The following PRKAR2B variants were observed in gnomAD, a reference collection of about 807,000 sequenced individuals.
PRKAR2B encodes protein kinase cAMP-dependent type II regulatory subunit beta, also known as cAMP-dependent protein kinase type II-beta regulatory subunit.
PRKAR2B carries 14 observed loss-of-function variants against 49.9 expected under a neutral mutation model. The ratio of observed to expected loss-of-function variants is 0.28; its 90% CI spans 0.19 to 0.44. The LOEUF is 0.44. PRKAR2B is among the 20% of genes least tolerant of loss of function. The pLI, the probability that PRKAR2B is intolerant of heterozygous loss-of-function variation, is 1.00. For missense variants in PRKAR2B, 393 were observed against 537.9 expected (o/e 0.73, Z 2.67); for synonymous variants, 196 against 197.7 (o/e 0.99, Z 0.07).
intron 1 of PRKAR2B, among the ~76,000 whole-genome samples, chr7:107,060,323 G>C (rs1167269217): frequency 1.3e-5 from 2 of 152,084 alleles, no homozygotes; most frequent in South Asian, 2.1e-4. Flanking sequence ...GCTTTATAAA[G>C]GTGTTGCACC....
intron 1 of PRKAR2B, among the ~76,000 whole-genome samples, chr7:107,055,278 TGC>T (rs1386185282): frequency 1.3e-5 from 2 of 152,240 alleles, no homozygotes; most frequent in African/African-American, 4.8e-5. Flanking sequence ...AATACATGTG[TGC>T]ATGTGTCTTT....
At chr7:107,100,883 TTTGA>T (rs1794948151) in intron 2 of PRKAR2B, among the ~76,000 whole-genome samples, 1 of 151,638 alleles carries the variant, frequency 6.6e-6, no homozygotes, top group African/African-American at 2.4e-5. Context: ...GTTTTTACTC[TTTGA>T]TTGATTAAAC....
intron 4 of PRKAR2B, among the ~76,000 whole-genome samples, chr7:107,134,255 T>C (rs1042822865): frequency 2.0e-5 from 3 of 152,104 alleles, no homozygotes; most frequent in Admixed American, 6.6e-5. Flanking sequence ...TCTGGAATTC[T>C]TGGCCTCAAG....
intron 3 of PRKAR2B, among the ~76,000 whole-genome samples, chr7:107,124,669 C>T (rs140205623): frequency 2.0e-5 from 3 of 152,214 alleles, no homozygotes; most frequent in African/African-American, 7.2e-5. Context: ...ATCCACTCAC[C>T]TTGGCCTCCC....
chr7:107,122,871 ATGGGGATT>A (rs1795414424), intron 3 of PRKAR2B, among the ~76,000 whole-genome samples: 1 of 152,180 alleles, frequency 6.6e-6, no homozygotes, highest in Non-Finnish European at 1.5e-5. Flanking sequence ...TCCTGGACCC[ATGGGGATT>A]CCCACTACCA....
chr7:107,050,333 CTTTTTTTTTTTTTTTTTTT>C (rs57752789), intron 1 of PRKAR2B, among the ~76,000 whole-genome samples: 15 of 68,586 alleles, frequency 2.2e-4, no homozygotes, highest in African/African-American at 1.1e-3. Flanking sequence ...CAGTTACCAG[CTTTTTTTTTTTTTTTTTTT>C]TTTTTTTTTT....
chr7:107,070,363 A>T (rs750529814), intron 2 of PRKAR2B, 47 bp downstream of exon 2: 1 of 1,457,776 alleles, frequency 6.9e-7, no homozygotes, highest in Admixed American at 1.8e-5. Context: ...GGTGACATTT[A>T]AAAAATGATA....
At chr7:107,090,062 C>G (rs1173428858) in intron 2 of PRKAR2B, among the ~76,000 whole-genome samples, 2 of 152,150 alleles carry the variant, frequency 1.3e-5, no homozygotes, top group Non-Finnish European at 2.9e-5. Context: ...CATCTGAATT[C>G]TCTTTGGTTG....
At chr7:107,068,016 T>C (rs577462340) in intron 1 of PRKAR2B, among the ~76,000 whole-genome samples, 1 of 152,200 alleles carries the variant, frequency 6.6e-6, no homozygotes, top group Non-Finnish European at 1.5e-5. Flanking sequence ...GACAGTTCTT[T>C]GTTGTGCAGG....
chr7:107,124,559 A>C (rs1376215474), intron 3 of PRKAR2B, among the ~76,000 whole-genome samples: 1 of 152,244 alleles, frequency 6.6e-6, no homozygotes, highest in Admixed American at 6.5e-5. Flanking sequence ...CTGGGACTAC[A>C]GGCATGCACC....
chr7:107,132,340 T>G (rs1795618158), intron 4 of PRKAR2B, among the ~76,000 whole-genome samples: 1 of 152,180 alleles, frequency 6.6e-6, no homozygotes, highest in Admixed American at 6.5e-5. Context: ...TGGACTGCCT[T>G]GTAGGCAGTG....
intron 5 of PRKAR2B, among the ~76,000 whole-genome samples, chr7:107,144,076 ATT>A (rs1487339200): frequency 6.7e-6 from 1 of 150,226 alleles, no homozygotes; most frequent in Non-Finnish European, 1.5e-5. Context: ...TTATTTATTT[ATT>A]TATTTATTTA....
chr7:107,050,698 G>T (rs1793784013), intron 1 of PRKAR2B, among the ~76,000 whole-genome samples: 2 of 152,134 alleles, frequency 1.3e-5, no homozygotes, highest in South Asian at 4.1e-4. Context: ...GTGACTAACT[G>T]CAGGGTCTAC....
At chr7:107,133,070 C>T (rs902711134) in intron 4 of PRKAR2B, among the ~76,000 whole-genome samples, 2 of 152,160 alleles carry the variant, frequency 1.3e-5, no homozygotes, top group Non-Finnish European at 2.9e-5. Flanking sequence ...GAGCCCTTTA[C>T]TGAGCTCAGT....
chr7:107,056,407 A>T (rs1450527653), intron 1 of PRKAR2B, among the ~76,000 whole-genome samples: 1 of 152,220 alleles, frequency 6.6e-6, no homozygotes, highest in African/African-American at 2.4e-5. Context: ...TACCTTGGGC[A>T]GTATGGCCAT....
At chr7:107,084,792 T>G (rs926061555) in intron 2 of PRKAR2B, among the ~76,000 whole-genome samples, 1 of 151,888 alleles carries the variant, frequency 6.6e-6, no homozygotes, top group Admixed American at 6.6e-5. Context: ...GCTAATTTTT[T>G]TTTTGTATTT....
chr7:107,067,604 A>G (rs933027553), intron 1 of PRKAR2B, among the ~76,000 whole-genome samples: 13 of 152,210 alleles, frequency 8.5e-5, no homozygotes, highest in African/African-American at 3.1e-4. Flanking sequence ...TTCAGTAGGT[A>G]TGTGTTTCAG....
chr7:107,123,392 A>C (rs1795423445), intron 3 of PRKAR2B, among the ~76,000 whole-genome samples: 1 of 152,196 alleles, frequency 6.6e-6, no homozygotes, highest in South Asian at 2.1e-4. Flanking sequence ...TGACTGTGTA[A>C]AACCTCACCC....
At position 107,092,957 on chromosome 7, in the gene PRKAR2B, T is replaced by G. The variant is rs113294688; in HGVS notation, c.343+22641T>G. On this transcript the variant is annotated intron_variant, in intron 2 of 10. Coordinates refer to ENST00000265717, the MANE Select transcript of PRKAR2B (RefSeq NM_002736.3). ...TTCAGTACTCTAGGTACCTCATAGA[T>G]GAGGACTCATGCAATATTTATCCTT... is the stretch of plus-strand genomic sequence containing the variant. Among the ~76,000 whole-genome samples the G allele has an allele frequency of 3.9e-4, 59 of 152,362 alleles. 4 individuals are homozygous for G. Among genetic ancestry groups the G allele is most frequent in the African/African-American group, 1.2e-3 (49 of 41,582 alleles).
Sources: gnomAD v4.1 joint callset for allele counts (sites outside exome capture counted in the v4.1 genomes callset) on GRCh38, gnomAD v4.1.1 for gene constraint, MANE v1.5 for transcripts, NCBI Gene and HGNC (gene_info 2026-07-23, HGNC 2026-07-21) for gene names.